AFF3: variants seen among roughly 807,000 people sequenced by gnomAD.
AFF3 encodes ALF transcription elongation factor 3, also known as AF4/FMR2 family member 3.
In AFF3, 32 loss-of-function variants were observed where a neutral mutation model predicts 129.7. The ratio of observed to expected loss-of-function variants is 0.25; its 90% CI spans 0.19 to 0.33. The LOEUF (loss-of-function observed/expected upper bound fraction) is 0.33. AFF3 is among the 10% of genes least tolerant of loss of function. The pLI is 1.00. For synonymous variants in AFF3, 644 were observed against 635.4 expected (o/e 1.01, Z -0.20); for missense variants, 1,373 against 1,592.0 (o/e 0.86, Z 2.34).
At position 99,779,003 on chromosome 2, in the gene AFF3, C is replaced by T. The variant is rs543153177; in HGVS notation, c.922-26702G>A. ...CTGTGAATTAGAGATAGTTTTACTT[C>T]TTCCTAATTTGGATGCCTTTTCTTT... On this transcript the variant is annotated intron_variant, in intron 8 of 24. Transcript: ENST00000672756. Among the ~76,000 whole-genome samples the T allele has an allele frequency of 4.0e-5, 6 of 151,488 alleles. No homozygotes were observed. The East Asian group carries it at 1.2e-3, about 29-fold the overall frequency.
intron 8 of AFF3, among the ~76,000 whole-genome samples, chr2:99,780,119 C>G (rs1684275919): frequency 6.6e-6 from 1 of 152,146 alleles, no homozygotes; most frequent in Non-Finnish European, 1.5e-5. Context: ...TCTCCCATCT[C>G]CAAACACTCT....
chr2:99,871,725 C>T (rs1164721214), intron 7 of AFF3, among the ~76,000 whole-genome samples: 1 of 152,044 alleles, frequency 6.6e-6, no homozygotes, highest in African/African-American at 2.4e-5. Flanking sequence ...CTGGGGACTC[C>T]AAAACATGGG....
At chr2:99,636,057 A>G (rs1575565374) in intron 13 of AFF3, among the ~76,000 whole-genome samples, 2 of 152,358 alleles carry the variant, frequency 1.3e-5, no homozygotes, top group South Asian at 4.1e-4. Flanking sequence ...GGCTGGGGCC[A>G]TGATTCAAAG....
At chr2:99,715,404 A>G (rs1027002074) in intron 11 of AFF3, among the ~76,000 whole-genome samples, 14 of 152,204 alleles carry the variant, frequency 9.2e-5, no homozygotes, top group African/African-American at 3.4e-4. Context: ...AACAGGAGGA[A>G]CAATGATTTA....
intron 4 of AFF3, among the ~76,000 whole-genome samples, chr2:100,050,248 T>A (rs1264740496): frequency 1.3e-5 from 2 of 152,122 alleles, no homozygotes; most frequent in African/African-American, 4.8e-5. Flanking sequence ...CGGTTGTCTC[T>A]CAAAATATTT....
At chr2:99,881,546 CAGTT>C (rs1692718431) in intron 7 of AFF3, among the ~76,000 whole-genome samples, 1 of 151,324 alleles carries the variant, frequency 6.6e-6, no homozygotes, top group Admixed American at 6.6e-5. Context: ...TTTCAGTAAA[CAGTT>C]CATTCATTCT....
intron 10 of AFF3, among the ~76,000 whole-genome samples, chr2:99,739,388 C>T (rs1009014619): frequency 1.3e-5 from 2 of 152,044 alleles, no homozygotes; most frequent in Non-Finnish European, 1.5e-5. Context: ...TCTGATGGTG[C>T]TATTTTGGAT....
At chr2:99,798,618 T>C (rs1283947984) in intron 8 of AFF3, among the ~76,000 whole-genome samples, 1 of 151,822 alleles carries the variant, frequency 6.6e-6, no homozygotes, top group Non-Finnish European at 1.5e-5. Flanking sequence ...ATGATAGAAA[T>C]ATATATTACA....
At chr2:99,556,998 T>G (rs1674987093) in intron 22 of AFF3, among the ~76,000 whole-genome samples, 1 of 152,092 alleles carries the variant, frequency 6.6e-6, no homozygotes, top group East Asian at 1.9e-4. Flanking sequence ...TATGGGATGG[T>G]GACTACAATT....
chr2:100,000,057 C>A (rs1334376128), intron 7 of AFF3, among the ~76,000 whole-genome samples: 1 of 152,200 alleles, frequency 6.6e-6, no homozygotes, highest in East Asian at 1.9e-4. Flanking sequence ...CCATTTTCAT[C>A]TACTGTAAAT....
intron 20 of AFF3, 87 bp from the exon 21 acceptor site, chr2:99,560,523 T>C: frequency 4.0e-6 from 5 of 1,241,120 alleles, no homozygotes; most frequent in South Asian, 2.6e-5. Context: ...ACAGAACTTC[T>C]ATGATGGTAG....
chr2:99,683,248 G>T (rs1237299149), intron 11 of AFF3, among the ~76,000 whole-genome samples: 1 of 152,146 alleles, frequency 6.6e-6, no homozygotes, highest in African/African-American at 2.4e-5. Context: ...AAGTTGCTCT[G>T]CCTTCTGTTT....
At chr2:99,750,411 T>C (rs996833051) in intron 9 of AFF3, among the ~76,000 whole-genome samples, 2 of 130,604 alleles carry the variant, frequency 1.5e-5, no homozygotes, top group African/African-American at 3.2e-5. Flanking sequence ...CTTTTTTTTT[T>C]TCTTTTCTTT....
intron 19 of AFF3, among the ~76,000 whole-genome samples, chr2:99,566,099 G>T (rs1042102752): frequency 6.6e-6 from 1 of 150,676 alleles, no homozygotes; most frequent in Non-Finnish European, 1.5e-5. Context: ...ATATCTCCAT[G>T]CCTTCCTCTT....
chr2:100,114,048 A>G (rs747161477), intron 2 of AFF3, among the ~76,000 whole-genome samples: 21 of 152,200 alleles, frequency 1.4e-4, no homozygotes, highest in Non-Finnish European at 2.6e-4. Flanking sequence ...CCAAGATCAG[A>G]GATTCAGTAA....
intron 4 of AFF3, among the ~76,000 whole-genome samples, chr2:100,076,434 AC>A (rs1369531420): frequency 1.3e-5 from 2 of 152,200 alleles, no homozygotes; most frequent in Non-Finnish European, 2.9e-5. Context: ...AATACACGTC[AC>A]CCCAACATGG....
intron 18 of AFF3, among the ~76,000 whole-genome samples, chr2:99,575,997 G>A (rs1451627512): frequency 6.6e-6 from 1 of 151,984 alleles, no homozygotes; most frequent in Non-Finnish European, 1.5e-5. Flanking sequence ...GTTGTTTGAG[G>A]CCAGGAGTTC....
At chr2:99,932,109 C>T (rs567482395) in intron 7 of AFF3, among the ~76,000 whole-genome samples, 80 of 152,328 alleles carry the variant, frequency 5.3e-4, no homozygotes, top group African/African-American at 1.9e-3. Flanking sequence ...TCAAGCTTGT[C>T]CAACCTGCAG....
At chr2:99,836,261 T>A (rs1037427006) in intron 8 of AFF3, among the ~76,000 whole-genome samples, 4 of 152,184 alleles carry the variant, frequency 2.6e-5, no homozygotes, top group Non-Finnish European at 5.9e-5. Flanking sequence ...AAAAATGGAA[T>A]ATGTGAACTG....
Sources: allele counts gnomAD v4.1 joint callset (sites outside exome capture counted in the v4.1 genomes callset), GRCh38; gene constraint gnomAD v4.1.1; transcripts MANE v1.5; gene names NCBI Gene and HGNC (gene_info 2026-07-23, HGNC 2026-07-21).